LIMS2: variants seen among roughly 807,000 people sequenced by gnomAD.
The protein encoded by LIMS2 is LIM zinc finger domain containing 2.
A neutral mutation model predicts 45.3 loss-of-function variants in LIMS2; 30 were observed. That is an observed-to-expected ratio of 0.66 (90% CI 0.50 to 0.90). The LOEUF (loss-of-function observed/expected upper bound fraction) is 0.90, where lower values mean the gene tolerates loss of function less well. Ranked by LOEUF, LIMS2 falls within the 40% of genes least tolerant of loss-of-function variation. LIMS2 has a pLI of 0.00. For missense variants in LIMS2, 485 were observed against 468.7 expected (o/e 1.03, Z -0.32); for synonymous variants, 173 against 188.0 (o/e 0.92, Z 0.65).
intron 1 of LIMS2, chr2:127,673,534 GA>G: frequency 2.5e-6 from 2 of 808,028 alleles, no homozygotes; most frequent in Admixed American, 4.8e-5. Flanking sequence ...CGTCTCCAGG[GA>G]AAGGCCCAAG....
At chr2:127,652,062 C>T (rs1343913020) in intron 4 of LIMS2, 1 of 378,190 alleles carries the variant, frequency 2.6e-6, no homozygotes, top group Non-Finnish European at 5.0e-6. Context: ...CCTTTCTTTC[C>T]CGCTAGGCTC....
At chr2:127,654,775 G>T in intron 3 of LIMS2, 55 bp downstream of exon 3, 1 of 1,577,002 alleles carries the variant, frequency 6.3e-7, no homozygotes, top group Non-Finnish European at 8.7e-7. Flanking sequence ...CCTGCCCCCC[G>T]CCACTGCTGC....
intron 1 of LIMS2, among the ~76,000 whole-genome samples, chr2:127,661,156 G>A (rs985029576): frequency 1.4e-4 from 21 of 152,186 alleles, no homozygotes; most frequent in Admixed American, 1.0e-3. Flanking sequence ...CAGAGAGGCC[G>A]GCAGAGGCCT....
chr2:127,650,317 C>G (rs1377568080), intron 4 of LIMS2: 4 of 564,934 alleles, frequency 7.1e-6, no homozygotes, highest in Admixed American at 6.5e-5. Context: ...CTGCCCCCGC[C>G]CCTCACCACC....
At chr2:127,650,004 C>A in intron 4 of LIMS2, 1 of 1,606,220 alleles carries the variant, frequency 6.2e-7, no homozygotes, top group Non-Finnish European at 8.5e-7. Flanking sequence ...GTCTCCCCAC[C>A]TGTCAGGATG....
In LIMS2 at chr2:127,640,383, C is replaced by A. The variant is rs1682288733; in HGVS notation, c.754-65G>T. The stretch of plus-strand genomic sequence containing the variant: ...CACACCCCAGCCCAGGGCCATCATG[C>A]AGCCAGCCTGGCCCTCCAACACGGC... On this transcript the variant is annotated intron_variant, in intron 7 of 9. Transcript: ENST00000355119. 2.6e-6 allele frequency: 4 copies of A among 1,546,252 alleles called. No individual in the cohort carries two copies. In the East Asian group the frequency reaches 9.3e-5, roughly 36 times the overall value.
At chr2:127,645,490 G>A (rs1183660429) in intron 4 of LIMS2, among the ~76,000 whole-genome samples, 4 of 152,198 alleles carry the variant, frequency 2.6e-5, no homozygotes, top group Non-Finnish European at 4.4e-5. Flanking sequence ...CCAGGCCAGC[G>A]GTCAGATTCA....
chr2:127,663,114 C>G (rs968158902), intron 1 of LIMS2, among the ~76,000 whole-genome samples: 6 of 152,170 alleles, frequency 3.9e-5, no homozygotes, highest in Admixed American at 3.9e-4. Context: ...GCCTGCATCT[C>G]AGCTGTGGTA....
rs117577506 is a variant in LIMS2, at chr2:127,654,907, G to C, written c.172-11C>G. On this transcript the variant is annotated splice_polypyrimidine_tract_variant and intron_variant, in intron 2 of 9. Transcript: ENST00000355119. ...CTTCCGGCCTTCAAACTGCAAAGGG[G>C]TCGCAGAGAGAGGACAAGCAAACCA... 6.2e-7 allele frequency: 1 copy of C among 1,613,118 alleles called. No homozygotes were observed. The highest frequency in any genetic ancestry group is 8.5e-7 in the Non-Finnish European group (1 of 1,179,500).
Position 127,640,286 on chromosome 2 carries a change from A to G in LIMS2, c.786T>C (p.His262=), listed in dbSNP as rs1490458058. Residue 262 remains histidine, a synonymous_variant, in exon 8 of 10, where the codon CAT becomes CAC. Transcript: ENST00000355119. ...GGGCCTCACCATCGCCTTCAATCAC[A>G]TGGCTGCAGTTGTAGCAGACGTCCC... ...LFGDVCYNCS[H]VIEGDVVSAL... is the part of the protein sequence containing the mutation. 1.9e-6 allele frequency: 3 copies of G among 1,613,258 alleles called. No homozygotes were observed. Among genetic ancestry groups the G allele is most frequent in the South Asian group, 1.1e-5 (1 of 91,070 alleles).
chr2:127,651,311 T>C (rs149325837), intron 4 of LIMS2: 2 of 1,609,830 alleles, frequency 1.2e-6, no homozygotes, highest in Non-Finnish European at 1.7e-6. Flanking sequence ...CCTCCCACCA[T>C]GCCCTGGTGT....
intron 1 of LIMS2, chr2:127,674,191 TC>T: frequency 6.2e-6 from 1 of 160,150 alleles, no homozygotes; most frequent in Non-Finnish European, 1.4e-5. Flanking sequence ...GGGCTGGGGC[TC>T]CCCAAGAGCC....
In LIMS2 at chr2:127,671,389, C is replaced by T. The variant is rs952702202; in HGVS notation, c.11+3625G>A. ...CAGAGGTTGCAGTGAGCTGAGATCACGCCACTGCACTCCAGCTTGGGTGAC... is the reference window on the plus strand; with the variant it reads ...CAGAGGTTGCAGTGAGCTGAGATCATGCCACTGCACTCCAGCTTGGGTGAC... On this transcript the variant is annotated intron_variant, in intron 1 of 9. Transcript: ENST00000355119. The surrounding 1 kb of genome is among the most constrained non-coding windows in gnomAD (Gnocchi z 4.1). Among the ~76,000 whole-genome samples the T allele has an allele frequency of 2.6e-5, 4 of 151,248 alleles. No individual in the cohort carries two copies. The highest frequency in any genetic ancestry group is 6.6e-5 in the Admixed American group (1 of 15,184).
intron 4 of LIMS2, among the ~76,000 whole-genome samples, chr2:127,649,291 G>A (rs1262849487): frequency 6.6e-6 from 1 of 152,170 alleles, no homozygotes; most frequent in Non-Finnish European, 1.5e-5. Flanking sequence ...CGCCCAGGAT[G>A]AGGACCCTGC....
At chr2:127,650,535 A>G (rs1477961463) in intron 4 of LIMS2, 1 of 588,294 alleles carries the variant, frequency 1.7e-6, no homozygotes, top group Non-Finnish European at 3.0e-6. Context: ...GAAGTTCAGA[A>G]TGCCTCTGAC....
Position 127,675,113 on chromosome 2 carries a change from G to T in LIMS2, c.-89C>A. The T allele has an allele frequency of 8.5e-7, 1 of 1,170,546 alleles. No homozygotes were observed. Among genetic ancestry groups the T allele is most frequent in the Non-Finnish European group, 1.1e-6 (1 of 939,122 alleles). 72.5% of individuals were successfully genotyped at this position (1,170,546 alleles called of 1,614,324 possible). A position where few individuals can be genotyped will look rare whatever the true frequency, so the allele number is the denominator to read the frequency against. On this transcript the variant is annotated 5_prime_UTR_variant, in exon 1 of 10. In the 5' UTR this introduces an upstream ATG that the reference lacks. Transcript: ENST00000355119. ...CCGCCAGCCGAGCGCCCGCCCGCCA[G>T]CCCGGGCCGCGGAGCAGGGAGACGC...
chr2:127,660,358 T>C (rs1684542943), intron 1 of LIMS2, among the ~76,000 whole-genome samples: 1 of 152,286 alleles, frequency 6.6e-6, no homozygotes, highest in Middle Eastern at 3.4e-3. Context: ...GTTCTTTTGC[T>C]CTTTGTAGTA....
In LIMS2 at chr2:127,640,938, A is replaced by G. The variant is rs954733453; in HGVS notation, c.711T>C (p.Tyr237=). 5 of 1,613,842 alleles carry G rather than the reference A, an allele frequency of 3.1e-6. No individual in the cohort carries two copies. The African/African-American group carries it at 6.7e-5, about 22-fold the overall frequency. The change falls in exon 7 of 10, where the codon TAT becomes TAC. Residue 237 remains tyrosine (Y), a synonymous_variant. Coordinates refer to ENST00000355119, the MANE Select transcript of LIMS2 (RefSeq NM_001161403.3). ...CGCAGTAGGCCAGGCCCTTCTTCTC[A>G]TAGTGCCGGTGCCCCAGGAATGGCT... ...CEKPFLGHRH[Y]EKKGLAYCET... is the part of the protein sequence containing the mutation.
At chr2:127,651,992 A>G (rs1683851160) in intron 4 of LIMS2, 1 of 567,398 alleles carries the variant, frequency 1.8e-6, no homozygotes, top group Non-Finnish European at 3.2e-6. Flanking sequence ...TAGACACTCA[A>G]CGACTTCATC....
Sources: gnomAD v4.1 joint callset for allele counts (sites outside exome capture counted in the v4.1 genomes callset) on GRCh38, gnomAD v4.1.1 for gene constraint, Gnocchi (gnomAD v3.1) non-coding constraint, MANE v1.5 for transcripts, NCBI Gene and HGNC (gene_info 2026-07-23, HGNC 2026-07-21) for gene names.